DIAPH2: variants seen among roughly 807,000 people sequenced by gnomAD.
DIAPH2 encodes diaphanous related formin 2.
In DIAPH2, 35 loss-of-function variants were observed where a neutral mutation model predicts 92.7. The ratio of observed to expected loss-of-function variants is 0.38; its 90% CI spans 0.29 to 0.50. DIAPH2 has a LOEUF of 0.50. Ranked by LOEUF, DIAPH2 falls within the 20% of genes least tolerant of loss-of-function variation. The probability of loss-of-function intolerance (pLI) is 0.94; values close to 1 mark genes in which losing one functional copy is unlikely to be tolerated. For missense variants in DIAPH2, 701 were observed against 819.5 expected (o/e 0.86, Z 1.77); for synonymous variants, 301 against 280.4 (o/e 1.07, Z -0.73).
Position 97,374,035 on chromosome X carries a change from G to A in DIAPH2, c.3010-9874G>A, listed in dbSNP as rs778618485. ...GTAACAGGAGGTCAGATCACATAAGGCTTTATATGCTATTGGAAGCACTAT... is the reference window on the plus strand; with the variant it reads ...GTAACAGGAGGTCAGATCACATAAGACTTTATATGCTATTGGAAGCACTAT... On this transcript the variant is annotated intron_variant, in intron 24 of 26. Transcript: ENST00000324765. 5.4e-5 allele frequency among the ~76,000 whole-genome samples: 6 copies of A among 110,233 alleles called. No homozygotes were observed. In the Admixed American group the frequency reaches 5.8e-4, roughly 11 times the overall value.
chrX:97,534,403 T>C (rs925604878), intron 26 of DIAPH2, among the ~76,000 whole-genome samples: 2 of 110,636 alleles, frequency 1.8e-5, no homozygotes, highest in East Asian at 5.6e-4. Flanking sequence ...TTGGTCATGT[T>C]CAAGAATTGA....
chrX:97,068,845 G>A (rs1177005823), intron 17 of DIAPH2, among the ~76,000 whole-genome samples: 1 of 111,981 alleles, frequency 8.9e-6, no homozygotes, highest in African/African-American at 3.2e-5. Flanking sequence ...ATATGTATGC[G>A]TGAAGTTACA....
chrX:97,119,590 G>A (rs758266800), intron 21 of DIAPH2, among the ~76,000 whole-genome samples: 1 of 111,974 alleles, frequency 8.9e-6, no homozygotes, highest in Non-Finnish European at 1.9e-5. Context: ...GAGAGGAACC[G>A]GCGGTGGGCA....
At chrX:97,155,644 T>C (rs1399941423) in intron 22 of DIAPH2, among the ~76,000 whole-genome samples, 3 of 112,205 alleles carry the variant, frequency 2.7e-5, no homozygotes, top group African/African-American at 9.7e-5. Context: ...TTGTGAATCT[T>C]TGCTACAATA....
At chrX:97,314,123 G>T (rs756815319) in intron 23 of DIAPH2, among the ~76,000 whole-genome samples, 2 of 109,061 alleles carry the variant, frequency 1.8e-5, no homozygotes, top group Admixed American at 2.0e-4. Flanking sequence ...AAGATATAAG[G>T]CCAGGCTGGG....
chrX:97,410,107 C>T (rs752670415), intron 25 of DIAPH2, among the ~76,000 whole-genome samples: 1 of 112,195 alleles, frequency 8.9e-6, no homozygotes, highest in Admixed American at 9.4e-5. Flanking sequence ...CTGGGAGACA[C>T]CTCCCAGTTT....
intron 17 of DIAPH2, among the ~76,000 whole-genome samples, chrX:97,002,611 A>G (rs2066152171): frequency 9.0e-6 from 1 of 111,464 alleles, no homozygotes; most frequent in Non-Finnish European, 1.9e-5. Context: ...AAAATGAATT[A>G]TGTTCTAAGT....
chrX:96,895,475 C>T (rs897027149), intron 5 of DIAPH2, among the ~76,000 whole-genome samples: 2 of 112,003 alleles, frequency 1.8e-5, no homozygotes, highest in Non-Finnish European at 3.8e-5. Context: ...TCTGTGAACT[C>T]ACAGCTGATT....
intron 4 of DIAPH2, among the ~76,000 whole-genome samples, chrX:96,861,823 C>T (rs1417078655): frequency 9.0e-6 from 1 of 111,675 alleles, no homozygotes; most frequent in Non-Finnish European, 1.9e-5. Flanking sequence ...AATGTACACA[C>T]AAATACATGT....
intron 22 of DIAPH2, among the ~76,000 whole-genome samples, chrX:97,189,403 C>A (rs897263440): frequency 9.2e-5 from 10 of 109,178 alleles, no homozygotes; most frequent in African/African-American, 3.3e-4. Context: ...AAGAATTGGT[C>A]TATGAAGCTT....
chrX:97,185,327 G>GTGTATA (rs1385047029), intron 22 of DIAPH2, among the ~76,000 whole-genome samples: 1 of 3,877 alleles, frequency 2.6e-4, no homozygotes, highest in African/African-American at 1.1e-3. Flanking sequence ...ATATATATGT[G>GTGTATA]TATATATATA....
intron 16 of DIAPH2, among the ~76,000 whole-genome samples, chrX:96,960,153 T>C (rs912917968): frequency 9.0e-6 from 1 of 111,439 alleles, no homozygotes; most frequent in Non-Finnish European, 1.9e-5. Context: ...AAAATGTTAA[T>C]GGTATTTTGA....
In DIAPH2 at chrX:97,057,192, C is replaced by T. The variant is rs751066760; in HGVS notation, c.2051-15749C>T. ...ACAGGCAATCGCCTTTTAAATAAAA[C>T]CTGAAACAAAAATTATTTGAAATGT... On this transcript the variant is annotated intron_variant, in intron 17 of 26. Transcript: ENST00000324765. Among the ~76,000 whole-genome samples, 21 of 111,706 alleles carry T rather than the reference C, an allele frequency of 1.9e-4. No homozygotes were observed. In the East Asian group the frequency reaches 4.8e-3, roughly 25 times the overall value.
At position 96,937,301 on chromosome X, in the gene DIAPH2, T is replaced by C. The variant is rs762950625; in HGVS notation, c.1158T>C (p.Asp386=). ...AAGTATTTGATGAAAACAAAGAAGA[T>C]GACCTAACTGAATTATCACACCGTC... is the stretch of plus-strand genomic sequence containing the variant. The part of the protein sequence containing the change: ...QLKVFDENKE[D]DLTELSHRLN... The change falls in exon 11 of 27, where the codon GAT becomes GAC. Residue 386 remains aspartate (D), a synonymous_variant. Coordinates refer to ENST00000324765, the MANE Select transcript of DIAPH2 (RefSeq NM_006729.5). The C allele has an allele frequency of 8.6e-7, 1 of 1,164,832 alleles. No individual in the cohort carries two copies. Among genetic ancestry groups the C allele is most frequent in the South Asian group, 2.0e-5 (1 of 49,434 alleles).
At chrX:96,942,785 A>G (rs1379451693) in intron 13 of DIAPH2, among the ~76,000 whole-genome samples, 1 of 111,578 alleles carries the variant, frequency 9.0e-6, no homozygotes, top group African/African-American at 3.2e-5. Context: ...GTGCTATGCT[A>G]TCTAGCCTTA....
At chrX:96,979,025 G>T (rs772664945) in intron 17 of DIAPH2, among the ~76,000 whole-genome samples, 1 of 111,688 alleles carries the variant, frequency 9.0e-6, no homozygotes, top group South Asian at 3.8e-4. Flanking sequence ...CTTCATCAGA[G>T]TGAAAGCCAA....
chrX:97,326,069 CTT>C (rs1283864305), intron 23 of DIAPH2, among the ~76,000 whole-genome samples: 4 of 112,113 alleles, frequency 3.6e-5, no homozygotes, highest in Non-Finnish European at 7.5e-5. Context: ...AGTAGGAAGT[CTT>C]TGTGAATTTA....
At chrX:97,264,853 G>A (rs1007173460) in intron 23 of DIAPH2, among the ~76,000 whole-genome samples, 1 of 110,998 alleles carries the variant, frequency 9.0e-6, no homozygotes, top group Non-Finnish European at 1.9e-5. Flanking sequence ...GCATGGTGGC[G>A]GGCACCTGTA....
chrX:97,258,988 CA>C (rs1392458097), intron 23 of DIAPH2, among the ~76,000 whole-genome samples: 1 of 110,883 alleles, frequency 9.0e-6, no homozygotes, highest in African/African-American at 3.3e-5. Flanking sequence ...GAACGCTCAA[CA>C]CAGACAGAAA....
Sources: gnomAD v4.1 joint callset for allele counts (sites outside exome capture counted in the v4.1 genomes callset) on GRCh38, gnomAD v4.1.1 for gene constraint, MANE v1.5 for transcripts, NCBI Gene and HGNC (gene_info 2026-07-23, HGNC 2026-07-21) for gene names.